The following VIPR2 variants were observed in gnomAD, a reference collection of about 807,000 sequenced individuals.
VIPR2 encodes vasoactive intestinal polypeptide receptor 2.
In VIPR2, 48 loss-of-function variants were observed where a neutral mutation model predicts 58.0. The ratio of observed to expected loss-of-function variants is 0.83; its 90% CI spans 0.66 to 1.05. The LOEUF (loss-of-function observed/expected upper bound fraction) is 1.05, where lower values mean the gene tolerates loss of function less well. Among genes scored for constraint, VIPR2 ranks in the 50% least tolerant of loss-of-function variants. The pLI is 0.00. For missense variants in VIPR2, 534 were observed against 558.0 expected (o/e 0.96, Z 0.43); for synonymous variants, 243 against 235.2 (o/e 1.03, Z -0.30).
intron 2 of VIPR2, among the ~76,000 whole-genome samples, chr7:159,118,239 A>G (rs1796317867): frequency 6.6e-6 from 1 of 152,200 alleles, no homozygotes; most frequent in Non-Finnish European, 1.5e-5. Flanking sequence ...AGTTCTCTGC[A>G]ATCCTCGCCG....
Position 159,099,593 on chromosome 7 carries a change from C to T in VIPR2, c.357+4164G>A, listed in dbSNP as rs114098034. 8.5e-3 allele frequency among the ~76,000 whole-genome samples: 1,290 copies of T among 152,280 alleles called. 18 individuals are homozygous for T. Among genetic ancestry groups the T allele is most frequent in the African/African-American group, 0.029 (1,212 of 41,546 alleles). ...AATAAAGGAAGGAGAGAATGAACGACGGAGCCTGCACATACGGGGCTCTGG... is the reference window on the plus strand; with the variant it reads ...AATAAAGGAAGGAGAGAATGAACGATGGAGCCTGCACATACGGGGCTCTGG... On this transcript the variant is annotated intron_variant, in intron 4 of 12. Coordinates refer to ENST00000262178, the MANE Select transcript of VIPR2 (RefSeq NM_003382.5). The surrounding 1 kb of genome is among the most constrained non-coding windows in gnomAD (Gnocchi z 4.2).
At chr7:159,062,730 A>G (rs187513826) in intron 4 of VIPR2, among the ~76,000 whole-genome samples, 1 of 152,192 alleles carries the variant, frequency 6.6e-6, no homozygotes, top group African/African-American at 2.4e-5. Flanking sequence ...GCCACAGCAC[A>G]TAAGGAGACC....
intron 10 of VIPR2, 126 bp from the exon 11 acceptor site, chr7:159,032,193 G>A: frequency 3.0e-6 from 4 of 1,340,830 alleles, no homozygotes; most frequent in Non-Finnish European, 4.0e-6. Flanking sequence ...TCCACTGCTG[G>A]AGTCCCCGCC....
In VIPR2 at chr7:159,128,313, A is replaced by G. The variant is rs1031144546; in HGVS notation, c.151+14133T>C. On this transcript the variant is annotated intron_variant, in intron 2 of 12. Transcript: ENST00000262178. The surrounding 1 kb of genome is among the most constrained non-coding windows in gnomAD (Gnocchi z 4.1). ...TGATCTCACAGCCCCATCCTCCTCC[A>G]ACCCCTGACCACCCTGGAGCAGTTC... Among the ~76,000 whole-genome samples, 1 of 152,022 alleles carries G rather than the reference A, an allele frequency of 6.6e-6. No homozygotes were observed. Among genetic ancestry groups the G allele is most frequent in the African/African-American group, 2.4e-5 (1 of 41,382 alleles).
intron 7 of VIPR2, 91 bp from the exon 8 acceptor site, chr7:159,036,103 G>C: frequency 7.1e-7 from 1 of 1,409,150 alleles, no homozygotes; most frequent in Admixed American, 2.4e-5. Context: ...TCAAGGACAC[G>C]CTTTCTCACG....
chr7:159,036,892 T>C lies in VIPR2; in HGVS notation c.608A>G (p.Lys203Arg), dbSNP rs1227058133. 5 of 1,611,832 alleles carry C rather than the reference T, an allele frequency of 3.1e-6. No homozygotes were observed. The highest frequency in any genetic ancestry group is 4.2e-6 in the Non-Finnish European group (5 of 1,178,416). The part of the protein sequence containing the change: ...PDQPSSWVGC[K>R]LSLVFLQYCI... ...GTACTGCAGGAAGACCAGGCTCAGC[T>C]TGCAGCCCACCTGGAAACCGCAAAC... The change falls in exon 7 of 13, where the codon AAG becomes AGG. Residue 203 changes from lysine (K) to arginine (R), a missense_variant. Lys to Arg is a conservative substitution (Grantham distance 26, BLOSUM62 2). Transcript: ENST00000262178.
At position 159,036,902 on chromosome 7, in the gene VIPR2, C is replaced by A. The variant is rs1020789513; in HGVS notation, c.598G>T (p.Val200Leu). 1.2e-5 allele frequency: 20 copies of A among 1,610,710 alleles called. No homozygotes were observed. Among genetic ancestry groups the A allele is most frequent in the Non-Finnish European group, 1.6e-5 (19 of 1,177,660 alleles). The change falls in exon 7 of 13, where the codon GTG becomes TTG. Residue 200 changes from valine to leucine, a missense_variant and splice_region_variant. Transcript: ENST00000262178. ...AAGACCAGGCTCAGCTTGCAGCCCA[C>A]CTGGAAACCGCAAACAGAGGAGAGG... ...LHCPDQPSSWVGCKLSLVFLQ... is the reference protein window; with the variant it reads ...LHCPDQPSSWLGCKLSLVFLQ...
chr7:159,034,934 C>T (rs146919074), intron 8 of VIPR2, among the ~76,000 whole-genome samples: 46 of 152,286 alleles, frequency 3.0e-4, no homozygotes, highest in African/African-American at 7.7e-4. Context: ...TGAGCATGAA[C>T]GTGTGTCAGC....
chr7:159,068,596 G>T (rs1158131896), intron 4 of VIPR2, among the ~76,000 whole-genome samples: 1 of 152,256 alleles, frequency 6.6e-6, no homozygotes, highest in Non-Finnish European at 1.5e-5. Context: ...GACAAAGCCT[G>T]CCGGGGCCAG....
chr7:159,082,000 C>T (rs1379615218), intron 4 of VIPR2, among the ~76,000 whole-genome samples: 1 of 152,176 alleles, frequency 6.6e-6, no homozygotes, highest in Non-Finnish European at 1.5e-5. Context: ...AATAGGAACA[C>T]TTTTACACTG....
intron 2 of VIPR2, among the ~76,000 whole-genome samples, chr7:159,126,974 A>G (rs1027022789): frequency 6.6e-6 from 1 of 152,180 alleles, no homozygotes; most frequent in Non-Finnish European, 1.5e-5. Flanking sequence ...CTTGAGGTGG[A>G]GATTGGCTCC....
At chr7:159,108,234 C>T (rs892616552) in intron 3 of VIPR2, among the ~76,000 whole-genome samples, 1 of 152,222 alleles carries the variant, frequency 6.6e-6, no homozygotes, top group South Asian at 2.1e-4. Context: ...GGTGGCTTCA[C>T]CCCAGCCCTG....
intron 4 of VIPR2, among the ~76,000 whole-genome samples, chr7:159,103,083 CAG>C (rs1209566554): frequency 1.3e-5 from 2 of 152,202 alleles, no homozygotes; most frequent in East Asian, 3.9e-4. Flanking sequence ...TGGACCAGAG[CAG>C]AGCTTAAGGC....
At chr7:159,073,846 G>C (rs1856519269) in intron 4 of VIPR2, among the ~76,000 whole-genome samples, 1 of 152,186 alleles carries the variant, frequency 6.6e-6, no homozygotes, top group Admixed American at 6.5e-5. Flanking sequence ...CTGTGGAGCT[G>C]TCTGTCCATC....
chr7:159,092,777 C>T (rs1168273730), intron 4 of VIPR2, among the ~76,000 whole-genome samples: 1 of 151,396 alleles, frequency 6.6e-6, no homozygotes, highest in Non-Finnish European at 1.5e-5. Context: ...TGTGTGTCTG[C>T]CAGAGGGAGG....
intron 4 of VIPR2, among the ~76,000 whole-genome samples, chr7:159,088,769 C>T (rs931133051): frequency 1.3e-5 from 2 of 152,264 alleles, no homozygotes; most frequent in African/African-American, 2.4e-5. Flanking sequence ...CTACTCTGGT[C>T]ACAGCCTGGA....
chr7:159,141,814 A>G (rs1797478611), intron 2 of VIPR2, among the ~76,000 whole-genome samples: 1 of 152,230 alleles, frequency 6.6e-6, no homozygotes. Flanking sequence ...GGAGAAAATC[A>G]TGACAAAGAG....
At chr7:159,143,420 G>A (rs529866832) in intron 1 of VIPR2, among the ~76,000 whole-genome samples, 2 of 146,432 alleles carry the variant, frequency 1.4e-5, no homozygotes, top group African/African-American at 5.1e-5. Flanking sequence ...AGTAACTAAA[G>A]AGAATCATAC....
intron 2 of VIPR2, among the ~76,000 whole-genome samples, chr7:159,121,513 C>T (rs989489409): frequency 2.6e-5 from 4 of 152,140 alleles, no homozygotes; most frequent in East Asian, 1.9e-4. Flanking sequence ...CTTAGGTACC[C>T]GTGCGTGGGA....
Sources: allele counts gnomAD v4.1 joint callset (sites outside exome capture counted in the v4.1 genomes callset), GRCh38; gene constraint gnomAD v4.1.1; non-coding constraint Gnocchi (gnomAD v3.1); transcripts MANE v1.5; gene names NCBI Gene and HGNC (gene_info 2026-07-23, HGNC 2026-07-21).